Variants in WWOX observed in about 807,000 individuals in gnomAD.
WWOX encodes the protein WW domain-containing oxidoreductase.
WWOX carries 69 observed loss-of-function variants against 46.2 expected under a neutral mutation model. The ratio of observed to expected loss-of-function variants is 1.49; its 90% CI spans 1.23 to 1.82. WWOX has a LOEUF of 1.82. WWOX is among the 40% of genes most tolerant of loss of function. The pLI, the probability that WWOX is intolerant of heterozygous loss-of-function variation, is 0.00. For missense variants in WWOX, 919 were observed against 542.6 expected, an observed-to-expected ratio of 1.69 and a Z score of -6.89; for synonymous variants, 359 against 202.6, an observed-to-expected ratio of 1.77 and a Z score of -6.56.
intron 8 of WWOX, among the ~76,000 whole-genome samples, chr16:79,136,858 T>C (rs1297765516): frequency 6.6e-6 from 1 of 152,240 alleles, no homozygotes; most frequent in Non-Finnish European, 1.5e-5. Context: ...TGTGTAATCA[T>C]ATTTGTTACA....
chr16:78,148,038 G>A (rs1471477981), intron 4 of WWOX, among the ~76,000 whole-genome samples: 4 of 152,004 alleles, frequency 2.6e-5, no homozygotes, highest in Non-Finnish European at 5.9e-5. Flanking sequence ...AGTAACGGAG[G>A]CCTCAATGGT....
intron 8 of WWOX, among the ~76,000 whole-genome samples, chr16:78,564,979 C>T (rs1257959652): frequency 6.6e-6 from 1 of 152,124 alleles, no homozygotes. Context: ...ACGAAAACAA[C>T]ATCAAAGGAT....
intron 8 of WWOX, among the ~76,000 whole-genome samples, chr16:78,599,440 G>A (rs2045569622): frequency 6.6e-6 from 1 of 152,202 alleles, no homozygotes; most frequent in Non-Finnish European, 1.5e-5. Flanking sequence ...GGCCATGGCT[G>A]GGGAATTGGC....
chr16:78,856,541 T>A (rs1597727445), intron 8 of WWOX, among the ~76,000 whole-genome samples: 1 of 151,520 alleles, frequency 6.6e-6, no homozygotes, highest in African/African-American at 2.4e-5. Context: ...TACTCAGGAG[T>A]CTGAGGCAGG....
At chr16:79,101,347 C>T (rs1339783247) in intron 8 of WWOX, 4 of 152,072 alleles carry the variant, frequency 2.6e-5, no homozygotes, top group African/African-American at 9.7e-5. Context: ...CAAGATCGTT[C>T]GCAGGTTATA....
chr16:78,374,266 T>G (rs1567533376), intron 5 of WWOX, among the ~76,000 whole-genome samples: 2 of 152,150 alleles, frequency 1.3e-5, no homozygotes. Context: ...TGTTTAAATT[T>G]TTTCTTAGAG....
At chr16:78,799,392 C>T (rs1473145817) in intron 8 of WWOX, among the ~76,000 whole-genome samples, 1 of 152,184 alleles carries the variant, frequency 6.6e-6, no homozygotes, top group Non-Finnish European at 1.5e-5. Context: ...CACGTCTGTG[C>T]TTGCTGGATT....
chr16:79,064,467 T>A (rs562143277), intron 8 of WWOX, among the ~76,000 whole-genome samples: 4 of 152,196 alleles, frequency 2.6e-5, no homozygotes, highest in Non-Finnish European at 5.9e-5. Flanking sequence ...AACCCATGCG[T>A]CGTCATCATC....
At chr16:78,959,345 G>A (rs1181651433) in intron 8 of WWOX, among the ~76,000 whole-genome samples, 1 of 152,208 alleles carries the variant, frequency 6.6e-6, no homozygotes, top group East Asian at 1.9e-4. Flanking sequence ...TGCTGTGCTT[G>A]GCCCTGAGAA....
intron 8 of WWOX, among the ~76,000 whole-genome samples, chr16:78,501,579 C>T (rs542987325): frequency 5.3e-5 from 8 of 151,742 alleles, no homozygotes; most frequent in Admixed American, 2.0e-4. Flanking sequence ...CTCTGTCACC[C>T]AGGCTGGAGT....
chr16:78,752,618 T>G (rs1032022003), intron 8 of WWOX, among the ~76,000 whole-genome samples: 55 of 152,358 alleles, frequency 3.6e-4, no homozygotes, highest in African/African-American at 1.3e-3. Flanking sequence ...CAGCAGATTT[T>G]TAAACTCACT....
intron 5 of WWOX, among the ~76,000 whole-genome samples, chr16:78,237,073 CAAAAAAA>C (rs35866443): frequency 1.2e-5 from 1 of 80,820 alleles, no homozygotes; most frequent in Non-Finnish European, 2.4e-5. Context: ...GACTCCGTCT[CAAAAAAA>C]AAAAAAAAAA....
intron 8 of WWOX, among the ~76,000 whole-genome samples, chr16:78,571,423 TTA>T (rs376257583): frequency 8.6e-4 from 131 of 152,326 alleles, no homozygotes; most frequent in African/African-American, 3.1e-3. Flanking sequence ...ATTTGACACA[TTA>T]TGTTTTAACT....
At chr16:78,604,962 T>C (rs1452694531) in intron 8 of WWOX, among the ~76,000 whole-genome samples, 7 of 42,054 alleles carry the variant, frequency 1.7e-4, no homozygotes, top group Non-Finnish European at 2.8e-4. Context: ...CTTCCTTTCT[T>C]TCCTTCCTTT....
chr16:78,422,686 C>CACACACACACATATATATATATAT (rs2082964924), intron 6 of WWOX, among the ~76,000 whole-genome samples: 1 of 23,868 alleles, frequency 4.2e-5, no homozygotes, highest in African/African-American at 1.1e-4. Context: ...TATATATATA[C>CACACACACACATATATATATATAT]ACACACACAC....
intron 8 of WWOX, among the ~76,000 whole-genome samples, chr16:78,775,266 C>T (rs1473711632): frequency 6.6e-6 from 1 of 152,142 alleles, no homozygotes; most frequent in East Asian, 1.9e-4. Flanking sequence ...ACAAAAATAT[C>T]TTGTGGGTTT....
intron 8 of WWOX, among the ~76,000 whole-genome samples, chr16:79,045,493 A>C (rs77746615): frequency 1.3e-5 from 2 of 152,160 alleles, no homozygotes; most frequent in African/African-American, 2.4e-5. Flanking sequence ...AAGAGAGACT[A>C]TGTTGTTAGT....
Position 78,101,382 on chromosome 16 carries a change from C to G in WWOX, c.107+1497C>G, listed in dbSNP as rs111314804. On this transcript the variant is annotated intron_variant, in intron 1 of 8. Transcript: ENST00000566780. Reference sequence around the variant, plus strand: ...TTTTTTTAAAGACAGGGTCTCGCTCCGTCGCCCAAACTGGAGTGCCGTGGT... The same window carrying G: ...TTTTTTTAAAGACAGGGTCTCGCTCGGTCGCCCAAACTGGAGTGCCGTGGT... Among the ~76,000 whole-genome samples the G allele has an allele frequency of 6.6e-3, 477 of 72,634 alleles. 5 individuals carry two copies. The highest frequency in any genetic ancestry group is 0.017 in the African/African-American group (443 of 25,550). 47.7% of individuals were successfully genotyped at this position (72,634 alleles called of 152,430 possible). A position where few individuals can be genotyped will look rare whatever the true frequency, so the allele number is the denominator to read the frequency against.
chr16:79,031,046 T>C (rs1008270739), intron 8 of WWOX, among the ~76,000 whole-genome samples: 1 of 146,938 alleles, frequency 6.8e-6, no homozygotes, highest in Non-Finnish European at 1.5e-5. Flanking sequence ...TGAGCCGAGA[T>C]CGAGTCACTG....
Sources: allele counts gnomAD v4.1 joint callset (sites outside exome capture counted in the v4.1 genomes callset), GRCh38; gene constraint gnomAD v4.1.1; transcripts MANE v1.5; gene names NCBI Gene and HGNC (gene_info 2026-07-23, HGNC 2026-07-21).